Variants in PRKG1 observed in about 807,000 individuals in gnomAD.
The protein encoded by PRKG1 is cGMP-dependent protein kinase 1.
In PRKG1, 35 loss-of-function variants were observed where a neutral mutation model predicts 88.1. The observed-to-expected ratio is 0.40, with a 90% CI of 0.30 to 0.53. The LOEUF is 0.53. Ranked by LOEUF, PRKG1 falls within the 20% of genes least tolerant of loss-of-function variation. The probability of loss-of-function intolerance (pLI) is 0.59; values close to 1 mark genes in which losing one functional copy is unlikely to be tolerated. For missense variants in PRKG1, 540 were observed against 839.8 expected (o/e 0.64, Z 4.41); for synonymous variants, 303 against 292.5 (o/e 1.04, Z -0.37).
intron 3 of PRKG1, among the ~76,000 whole-genome samples, chr10:51,562,223 C>CAAAA (rs35433028): frequency 6.8e-6 from 1 of 146,282 alleles, no homozygotes; most frequent in African/African-American, 2.5e-5. Context: ...GACTCCATCT[C>CAAAA]AAAAAAAAAA....
At chr10:51,458,378 G>GACTAAC (rs1361924379) in intron 2 of PRKG1, among the ~76,000 whole-genome samples, 2 of 151,650 alleles carry the variant, frequency 1.3e-5, no homozygotes, top group African/African-American at 4.8e-5. Context: ...CAGGAATAGT[G>GACTAAC]ACTAACATTT....
At chr10:51,323,298 C>T (rs966430279) in intron 2 of PRKG1, among the ~76,000 whole-genome samples, 45 of 152,068 alleles carry the variant, frequency 3.0e-4, no homozygotes, top group African/African-American at 9.2e-4. Flanking sequence ...GAAAAATTAG[C>T]CTAGATTACA....
chr10:51,269,214 A>T (rs1299748758), intron 2 of PRKG1, among the ~76,000 whole-genome samples: 1 of 152,224 alleles, frequency 6.6e-6, no homozygotes, highest in Non-Finnish European at 1.5e-5. Context: ...TAAAAAAATT[A>T]AAAATATTAT....
intron 1 of PRKG1, among the ~76,000 whole-genome samples, chr10:51,051,883 T>C (rs189764640): frequency 8.5e-5 from 13 of 152,092 alleles, no homozygotes; most frequent in Admixed American, 8.5e-4. Flanking sequence ...CGATTCAGGA[T>C]GATAATACCA....
chr10:52,245,805 G>T (rs971575569), intron 9 of PRKG1, among the ~76,000 whole-genome samples: 1 of 147,978 alleles, frequency 6.8e-6, no homozygotes, highest in Non-Finnish European at 1.5e-5. Flanking sequence ...TTATTTATTT[G>T]TTGGAGGCAC....
At chr10:52,153,637 C>T (rs928781220) in intron 8 of PRKG1, among the ~76,000 whole-genome samples, 1 of 152,202 alleles carries the variant, frequency 6.6e-6, no homozygotes, top group African/African-American at 2.4e-5. Context: ...TTGTTTAATA[C>T]ACTCAGAATA....
intron 2 of PRKG1, among the ~76,000 whole-genome samples, chr10:51,165,997 A>AT (rs1846528622): frequency 6.7e-6 from 1 of 150,000 alleles, no homozygotes; most frequent in East Asian, 1.9e-4. Flanking sequence ...TTTTTTTTTC[A>AT]TTTTTATGGC....
rs570156455 is a variant in PRKG1, at chr10:51,255,441, T to G, written c.478+102111T>G. Among the ~76,000 whole-genome samples the G allele has an allele frequency of 4.6e-5, 7 of 152,254 alleles. No homozygotes were observed. The East Asian group carries it at 1.3e-3, about 29-fold the overall frequency. On this transcript the variant is annotated intron_variant, in intron 2 of 17. Transcript: ENST00000373980. ...AACAGAAAACTCTGCTCGAACTATC[T>G]CAAACTGGCTTAAACAACGACATTT...
At chr10:51,363,752 T>C (rs1564462726) in intron 2 of PRKG1, among the ~76,000 whole-genome samples, 1 of 151,946 alleles carries the variant, frequency 6.6e-6, no homozygotes, top group Non-Finnish European at 1.5e-5. Context: ...AGTCAAAGCA[T>C]GTGAACCCTG....
chr10:51,030,843 A>G (rs1843273077), intron 1 of PRKG1, among the ~76,000 whole-genome samples: 1 of 152,166 alleles, frequency 6.6e-6, no homozygotes, highest in Admixed American at 6.5e-5. Context: ...TGCTGGTGCC[A>G]TGCTTCTTGT....
chr10:51,458,800 G>C (rs1239002214), intron 2 of PRKG1, among the ~76,000 whole-genome samples: 4 of 152,106 alleles, frequency 2.6e-5, no homozygotes, highest in Non-Finnish European at 5.9e-5. Flanking sequence ...ACAGGATTGA[G>C]CTTCACGGGT....
chr10:51,037,025 G>A (rs1007297648), intron 1 of PRKG1, among the ~76,000 whole-genome samples: 1 of 152,118 alleles, frequency 6.6e-6, no homozygotes, highest in African/African-American at 2.4e-5. Context: ...GCTTTTCTAT[G>A]TTTAGGTATG....
intron 2 of PRKG1, among the ~76,000 whole-genome samples, chr10:51,165,364 C>T (rs1159789654): frequency 6.6e-6 from 1 of 151,684 alleles, no homozygotes; most frequent in African/African-American, 2.4e-5. Context: ...ATTTTGTCAC[C>T]ACCAGGCCTG....
intron 3 of PRKG1, among the ~76,000 whole-genome samples, chr10:51,800,827 C>T (rs1839153216): frequency 6.6e-6 from 1 of 151,886 alleles, no homozygotes; most frequent in Admixed American, 6.6e-5. Context: ...GACACTAATC[C>T]CATCATGTGT....
intron 1 of PRKG1, among the ~76,000 whole-genome samples, chr10:50,997,480 G>GGCCTGTT (rs1382301940): frequency 6.6e-6 from 1 of 152,068 alleles, no homozygotes; most frequent in African/African-American, 2.4e-5. Flanking sequence ...CCTGACTACG[G>GGCCTGTT]TCCTGTTTCC....
intron 2 of PRKG1, among the ~76,000 whole-genome samples, chr10:51,387,895 A>T (rs939981004): frequency 6.6e-6 from 1 of 152,152 alleles, no homozygotes; most frequent in Non-Finnish European, 1.5e-5. Context: ...TTAATAATAA[A>T]CATTTAATGT....
chr10:51,294,740 A>G (rs1392497273), intron 2 of PRKG1, among the ~76,000 whole-genome samples: 3 of 152,160 alleles, frequency 2.0e-5, no homozygotes, highest in Non-Finnish European at 4.4e-5. Context: ...TATTTAAATC[A>G]GAAAGTGTGA....
chr10:51,164,448 A>G (rs1338235900), intron 2 of PRKG1, among the ~76,000 whole-genome samples: 3 of 152,224 alleles, frequency 2.0e-5, no homozygotes, highest in African/African-American at 7.2e-5. Context: ...AAGATGGGGA[A>G]AAAACAGAGC....
At chr10:51,805,078 C>T (rs1839269137) in intron 4 of PRKG1, among the ~76,000 whole-genome samples, 1 of 152,154 alleles carries the variant, frequency 6.6e-6, no homozygotes, top group East Asian at 1.9e-4. Context: ...ATATTTATGA[C>T]ACATCTTCTA....
Sources: gnomAD v4.1 joint callset for allele counts (sites outside exome capture counted in the v4.1 genomes callset) on GRCh38, gnomAD v4.1.1 for gene constraint, MANE v1.5 for transcripts, NCBI Gene and HGNC (gene_info 2026-07-23, HGNC 2026-07-21) for gene names.